The following SRGAP1 variants were observed in gnomAD, a reference collection of about 807,000 sequenced individuals.
The protein encoded by SRGAP1 is SLIT-ROBO Rho GTPase-activating protein 1.
A neutral mutation model predicts 121.9 loss-of-function variants in SRGAP1; 43 were observed. The observed-to-expected ratio is 0.35, with a 90% CI of 0.28 to 0.46. The LOEUF (loss-of-function observed/expected upper bound fraction) is 0.46, where lower values mean the gene tolerates loss of function less well. SRGAP1 is among the 20% of genes least tolerant of loss of function. SRGAP1 has a pLI of 1.00. For synonymous variants in SRGAP1, 447 were observed against 485.4 expected (o/e 0.92, Z 1.04); for missense variants, 1,102 against 1,350.9 (o/e 0.82, Z 2.89).
chr12:63,885,498 A>C (rs1002810703), intron 1 of SRGAP1, among the ~76,000 whole-genome samples: 1 of 152,316 alleles, frequency 6.6e-6, no homozygotes. Context: ...GGCATGATTG[A>C]CAACCATGTA....
chr12:64,105,404 A>T (rs1358927416), intron 15 of SRGAP1, among the ~76,000 whole-genome samples: 1 of 152,212 alleles, frequency 6.6e-6, no homozygotes, highest in Non-Finnish European at 1.5e-5. Flanking sequence ...AATTCTTATT[A>T]AATAAAATTT....
chr12:63,882,764 TTAAC>T (rs1307042691), intron 1 of SRGAP1, among the ~76,000 whole-genome samples: 2 of 152,242 alleles, frequency 1.3e-5, no homozygotes, highest in African/African-American at 4.8e-5. Context: ...GCTTTGTAAA[TTAAC>T]TAACTTCTTA....
intron 10 of SRGAP1, among the ~76,000 whole-genome samples, chr12:64,085,500 A>C (rs910248378): frequency 6.6e-6 from 1 of 151,938 alleles, no homozygotes; most frequent in African/African-American, 2.4e-5. Context: ...ACCCAACACA[A>C]CCTAAATGGT....
At chr12:64,080,955 T>A (rs530751290) in intron 10 of SRGAP1, 1 of 162,668 alleles carries the variant, frequency 6.1e-6, no homozygotes, top group African/African-American at 2.4e-5. Flanking sequence ...GCTTTCTCTG[T>A]GCCAGGCTTT....
At chr12:63,865,680 G>A (rs1899603748) in intron 1 of SRGAP1, among the ~76,000 whole-genome samples, 1 of 152,204 alleles carries the variant, frequency 6.6e-6, no homozygotes, top group Non-Finnish European at 1.5e-5. Flanking sequence ...TGAAGCGTTG[G>A]TCGAGTGAAG....
At chr12:63,893,786 C>A (rs1186276333) in intron 1 of SRGAP1, among the ~76,000 whole-genome samples, 1 of 152,144 alleles carries the variant, frequency 6.6e-6, no homozygotes, top group African/African-American at 2.4e-5. Flanking sequence ...ACTCTAATTA[C>A]ATCTGACATT....
intron 21 of SRGAP1, among the ~76,000 whole-genome samples, chr12:64,129,757 TATA>T (rs1299546641): frequency 2.0e-5 from 3 of 152,170 alleles, no homozygotes; most frequent in African/African-American, 7.2e-5. Context: ...AGGAAGTCAA[TATA>T]ATCTTATGTC....
At chr12:64,097,797 A>G (rs2036187477) in intron 15 of SRGAP1, among the ~76,000 whole-genome samples, 1 of 152,220 alleles carries the variant, frequency 6.6e-6, no homozygotes, top group African/African-American at 2.4e-5. Context: ...ATAAAATGAA[A>G]TCAAAGATCC....
intron 1 of SRGAP1, among the ~76,000 whole-genome samples, chr12:63,966,730 AG>A (rs1474963648): frequency 1.3e-5 from 2 of 151,988 alleles, no homozygotes; most frequent in Non-Finnish European, 2.9e-5. Flanking sequence ...ATGAAGGGAG[AG>A]GTTTGTTGAG....
In SRGAP1 at chr12:64,157,016, TA is replaced by T. The variant is rs560932297; in HGVS notation, c.*14354del. 455 of 145,650 alleles carry T rather than the reference TA, an allele frequency of 3.1e-3. 2 individuals carry two copies. Among genetic ancestry groups the T allele is most frequent in the Non-Finnish European group, 5.2e-3 (343 of 65,878 alleles). 9.0% of individuals were successfully genotyped at this position (145,650 alleles called of 1,614,324 possible). On this transcript the variant is annotated 3_prime_UTR_variant, in exon 22 of 22. Transcript: ENST00000355086. ...TGGTTTGATATGGTAGCTGCACTTC[TA>T]AAAAAAAAAGGGGGCATTCTTGGCA...
chr12:64,161,017 G>C lies in SRGAP1; in HGVS notation c.*18345G>C, dbSNP rs553577959. On this transcript the variant is annotated 3_prime_UTR_variant, in exon 22 of 22. Coordinates refer to ENST00000355086, the MANE Select transcript of SRGAP1 (RefSeq NM_020762.4). ...TTTTCTCAGGGTTTCTGAAATTTCA[G>C]AATATCCTGATGTGGATCTATTTTG... 49 of 152,182 alleles carry C rather than the reference G, an allele frequency of 3.2e-4. No individual in the cohort carries two copies. The highest frequency in any genetic ancestry group is 1.1e-3 in the African/African-American group (47 of 41,506). The allele number at this position is 152,182 out of a possible 1,614,324, so 9.4% of individuals were successfully genotyped here.
chr12:64,035,299 T>G (rs898569786), intron 4 of SRGAP1, among the ~76,000 whole-genome samples: 6 of 150,898 alleles, frequency 4.0e-5, no homozygotes, highest in African/African-American at 1.5e-4. Context: ...CTCTACCTAA[T>G]TCTCACTCAG....
chr12:63,939,711 A>G (rs2031796212), intron 1 of SRGAP1, among the ~76,000 whole-genome samples: 1 of 152,220 alleles, frequency 6.6e-6, no homozygotes, highest in African/African-American at 2.4e-5. Context: ...AAGAAGAATT[A>G]TTCCTAGTGT....
chr12:63,997,869 G>A lies in SRGAP1; in HGVS notation c.426+7797G>A, dbSNP rs1190682242. Among the ~76,000 whole-genome samples, 3 of 152,154 alleles carry A rather than the reference G, an allele frequency of 2.0e-5. No individual in the cohort carries two copies. In the East Asian group the frequency reaches 5.8e-4, roughly 29 times the overall value. On this transcript the variant is annotated intron_variant, in intron 3 of 21. Transcript: ENST00000355086. ...AAATCAGAGGACTTCTGACTATGAC[G>A]GCAGATTCTACATGGGCTCCAACCA...
rs141081572 is a variant in SRGAP1 at position 64,007,225 on chromosome 12, G to A, written c.427-9725G>A. Among the ~76,000 whole-genome samples, 37 of 152,238 alleles carry A rather than the reference G, an allele frequency of 2.4e-4. 2 individuals carry two copies. In the East Asian group the frequency reaches 6.7e-3, roughly 28 times the overall value. On this transcript the variant is annotated intron_variant, in intron 3 of 21. Transcript: ENST00000355086. ...TGTAAACTGTGTCATATAAGGCAGT[G>A]GTCCCCAACCTTTTTGGCACCAAGG...
chr12:64,017,022 TA>T lies in SRGAP1; in HGVS notation c.489+12del. On this transcript the variant is annotated intron_variant, in intron 4 of 21. Coordinates refer to ENST00000355086, the MANE Select transcript of SRGAP1 (RefSeq NM_020762.4). ...TAATGAGCTTTATACGGTAAGGACATAATCTTTCTTCTTTTCTAGAATCCTT... is the reference window on the plus strand; with the variant it reads ...TAATGAGCTTTATACGGTAAGGACATATCTTTCTTCTTTTCTAGAATCCTT... 1 of 1,465,160 alleles carries T rather than the reference TA, an allele frequency of 6.8e-7. No homozygotes were observed. Among genetic ancestry groups the T allele is most frequent in the Non-Finnish European group, 9.4e-7 (1 of 1,061,760 alleles). The allele number at this position is 1,465,160 out of a possible 1,614,324, so 90.8% of individuals were successfully genotyped here.
intron 1 of SRGAP1, among the ~76,000 whole-genome samples, chr12:63,947,747 G>A (rs538036854): frequency 1.3e-5 from 2 of 152,250 alleles, no homozygotes; most frequent in Non-Finnish European, 2.9e-5. Context: ...TTTCTCAAAA[G>A]TGTTGGCTGT....
At chr12:63,861,347 T>G (rs1053450595) in intron 1 of SRGAP1, among the ~76,000 whole-genome samples, 2 of 150,440 alleles carry the variant, frequency 1.3e-5, no homozygotes, top group African/African-American at 4.9e-5. Context: ...TTGCCCAGGC[T>G]GGAGTGCAGT....
chr12:64,077,474 TTATA>T (rs1443290565), intron 8 of SRGAP1, among the ~76,000 whole-genome samples: 1 of 148,812 alleles, frequency 6.7e-6, no homozygotes, highest in Non-Finnish European at 1.5e-5. Flanking sequence ...ATATTAATAT[TTATA>T]TATATTCTAT....
Sources: gnomAD v4.1 joint callset for allele counts (sites outside exome capture counted in the v4.1 genomes callset) on GRCh38, gnomAD v4.1.1 for gene constraint, MANE v1.5 for transcripts, NCBI Gene and HGNC (gene_info 2026-07-23, HGNC 2026-07-21) for gene names.